MON1A: variants seen among roughly 807,000 people sequenced by gnomAD.
The protein encoded by MON1A is MON1 vesicular trafficking associated A.
A neutral mutation model predicts 44.6 loss-of-function variants in MON1A; 29 were observed. The ratio of observed to expected loss-of-function variants is 0.65; its 90% CI spans 0.48 to 0.89. The LOEUF (loss-of-function observed/expected upper bound fraction) is 0.89. MON1A is among the 40% of genes least tolerant of loss of function. The pLI is 0.00. For synonymous variants in MON1A, 275 were observed against 316.4 expected, an observed-to-expected ratio of 0.87 and a Z score of 1.39; for missense variants, 615 against 759.6, an observed-to-expected ratio of 0.81 and a Z score of 2.24.
In MON1A at chr3:49,910,072, A is replaced by C. The variant is rs1559491015; in HGVS notation, c.1379+47T>G. 3.9e-6 allele frequency: 6 copies of C among 1,527,330 alleles called. No homozygotes were observed. The highest frequency in any genetic ancestry group is 1.4e-5 in the African/African-American group (1 of 72,180). The allele number at this position is 1,527,330 out of a possible 1,614,324, so 94.6% of individuals were successfully genotyped here. Reference sequence around the variant, plus strand: ...CAGGACCAAACAGCCTCCCGACTCCACATGTCCCTGTCCCGCTACAGCAGT... The same window carrying C: ...CAGGACCAAACAGCCTCCCGACTCCCCATGTCCCTGTCCCGCTACAGCAGT... On this transcript the variant is annotated intron_variant, in intron 4 of 5. Transcript: ENST00000296473. The surrounding 1 kb of genome is among the most constrained non-coding windows in gnomAD (Gnocchi z 8.0).
intron 1 of MON1A, among the ~76,000 whole-genome samples, chr3:49,922,309 G>T (rs2083006040): frequency 6.6e-6 from 1 of 151,738 alleles, no homozygotes; most frequent in African/African-American, 2.4e-5. Context: ...AGCCAGGTGT[G>T]GTGGCATATG....
At position 49,911,663 on chromosome 3, in the gene MON1A, A is replaced by C; in HGVS notation, c.476T>G (p.Phe159Cys). 3 of 1,614,154 alleles carry C rather than the reference A, an allele frequency of 1.9e-6. No individual in the cohort carries two copies. Among genetic ancestry groups the C allele is most frequent in the Non-Finnish European group, 2.5e-6 (3 of 1,180,010 alleles). ...EAWRLHQKHVFVLSEAGKPVY... is the reference protein window; with the variant it reads ...EAWRLHQKHVCVLSEAGKPVY... The stretch of plus-strand genomic sequence containing the variant: ...AGGCTTCCCTGCCTCACTCAGCACA[A>C]AGACATGCTTCTGGTGCAGGCGCCA... Residue 159 changes from phenylalanine (F) to cysteine (C), a missense_variant, in exon 3 of 6, where the codon TTT becomes TGT. By Grantham distance (205) the Phe-to-Cys change is radical (BLOSUM62 -2). Transcript: ENST00000296473. The surrounding 1 kb of genome is among the most constrained non-coding windows in gnomAD (Gnocchi z 5.7).
intron 1 of MON1A, among the ~76,000 whole-genome samples, chr3:49,926,031 C>T (rs1036921803): frequency 2.6e-5 from 4 of 152,204 alleles, no homozygotes; most frequent in Non-Finnish European, 5.9e-5. Context: ...CCTCTGCTCA[C>T]AACTCTGTAA....
rs753603556 is a variant in MON1A, at chr3:49,911,990, A to G, written c.149T>C (p.Met50Thr). 1 of 1,598,224 alleles carries G rather than the reference A, an allele frequency of 6.3e-7. No homozygotes were observed. Among genetic ancestry groups the G allele is most frequent in the Admixed American group, 1.7e-5 (1 of 59,056 alleles). ...CTCGTAGGAACGGGCATGGACGAAC[A>G]TGGCACCCTCCTGGCCCGCACCTGC... ...MEPGAGQEGA[M>T]FVHARSYEDL... The change falls in exon 3 of 6, where the codon ATG becomes ACG. Residue 50 changes from methionine (M) to threonine (T), a missense_variant. Met to Thr is a moderately conservative substitution (Grantham distance 81, BLOSUM62 -1). Coordinates refer to ENST00000296473, the MANE Select transcript of MON1A (RefSeq NM_032355.4). This position sits in a 1 kb window ranked among gnomAD's most constrained non-coding sequence, Gnocchi z 5.7.
intron 1 of MON1A, among the ~76,000 whole-genome samples, chr3:49,928,511 G>A (rs967168375): frequency 6.6e-6 from 1 of 152,156 alleles, no homozygotes; most frequent in Non-Finnish European, 1.5e-5. Flanking sequence ...TGTGAGCAAT[G>A]TCACCAAACA....
chr3:49,929,245 A>G, intron 1 of MON1A: 1 of 346,236 alleles, frequency 2.9e-6, no homozygotes, highest in Non-Finnish European at 5.3e-6. Flanking sequence ...CAAAGACCCA[A>G]GCCCCTTCCA....
Position 49,909,114 on chromosome 3 carries a change from A to G in MON1A, c.1568T>C (p.Leu523Pro), listed in dbSNP as rs1229367939. The change falls in exon 6 of 6, where the codon CTG becomes CCG. Residue 523 changes from leucine to proline, a missense_variant. By Grantham distance (98) the Leu-to-Pro change is moderately conservative. Coordinates refer to ENST00000296473, the MANE Select transcript of MON1A (RefSeq NM_032355.4). The surrounding 1 kb of genome is among the most constrained non-coding windows in gnomAD (Gnocchi z 4.0). The part of the protein sequence containing the change: ...AFELYMCYSP[L>P]GTKASAVSAI... The stretch of plus-strand genomic sequence containing the variant: ...ACTGACGGCTGACGCCTTGGTCCCC[A>G]GGGGGCTGTAACACATGTAGAGCTC... The G allele has an allele frequency of 1.2e-6, 2 of 1,613,352 alleles. No homozygotes were observed. The highest frequency in any genetic ancestry group is 2.2e-5 in the East Asian group (1 of 44,842).
At chr3:49,913,392 T>G (rs1306233865) in intron 1 of MON1A, 33 bp from the exon 2 acceptor site, 1 of 1,588,048 alleles carries the variant, frequency 6.3e-7, no homozygotes, top group Non-Finnish European at 8.6e-7. Flanking sequence ...ATCGATGGCT[T>G]TTGGCAGGGT....
intron 1 of MON1A, chr3:49,916,130 A>G (rs980787140): frequency 6.6e-5 from 10 of 152,244 alleles, no homozygotes; most frequent in African/African-American, 2.4e-4. Context: ...CAGAACACAG[A>G]GTCTGGTGGG....
At chr3:49,924,090 A>G (rs2083028118) in intron 1 of MON1A, 2 of 151,584 alleles carry the variant, frequency 1.3e-5, no homozygotes, top group Admixed American at 1.3e-4. Flanking sequence ...TCATAGGAAA[A>G]AAAAAAAACA....
In MON1A at chr3:49,909,000, C is replaced by T. The variant is rs368521037; in HGVS notation, c.*14G>A. 1.8e-4 allele frequency: 295 copies of T among 1,606,374 alleles called. No individual in the cohort carries two copies. The African/African-American group carries it at 2.3e-3, about 13-fold the overall frequency. ...CTAGTGTGTCCAGGAAGGCTGAGCCCGCACACATTCCCATCAATAGGTGAG... is the reference window on the plus strand; with the variant it reads ...CTAGTGTGTCCAGGAAGGCTGAGCCTGCACACATTCCCATCAATAGGTGAG... On this transcript the variant is annotated 3_prime_UTR_variant, in exon 6 of 6. Transcript: ENST00000296473.
intron 1 of MON1A, among the ~76,000 whole-genome samples, chr3:49,922,397 C>T (rs1460349507): frequency 6.6e-6 from 1 of 151,782 alleles, no homozygotes; most frequent in Admixed American, 6.6e-5. Context: ...GATCGCACCA[C>T]CGCACTCCAG....
At position 49,911,599 on chromosome 3, in the gene MON1A, G is replaced by T; in HGVS notation, c.540C>A (p.Ser180Arg). 6.2e-7 allele frequency: 1 copy of T among 1,614,156 alleles called. No homozygotes were observed. The highest frequency in any genetic ancestry group is 1.3e-5 in the African/African-American group (1 of 75,046). ...SRYGSEEALS[S>R]TMGVMVALVS... The stretch of plus-strand genomic sequence containing the variant: ...CCAGGGCCACCATAACACCCATAGT[G>T]CTGGAAAGTGCCTCCTCAGACCCAT... The change falls in exon 3 of 6, where the codon AGC becomes AGA. Residue 180 changes from serine to arginine, a missense_variant. Ser to Arg is a moderately radical substitution (Grantham distance 110). Coordinates refer to ENST00000296473, the MANE Select transcript of MON1A (RefSeq NM_032355.4). This position sits in a 1 kb window ranked among gnomAD's most constrained non-coding sequence, Gnocchi z 5.7.
rs370999736 is a variant in MON1A at position 49,911,219 on chromosome 3, TA to T, written c.613+306del. 1.8e-4 allele frequency among the ~76,000 whole-genome samples: 28 copies of T among 151,564 alleles called. No individual in the cohort carries two copies. Among genetic ancestry groups the T allele is most frequent in the Admixed American group, 1.3e-3 (20 of 15,186 alleles). Reference sequence around the variant, plus strand: ...ATAGATAGATAGATAGATAGATAGATAGATAGATAGATAGATAGATAGATAG... The same window carrying T: ...ATAGATAGATAGATAGATAGATAGATGATAGATAGATAGATAGATAGATAG... On this transcript the variant is annotated intron_variant, in intron 3 of 5. Transcript: ENST00000296473. The surrounding 1 kb of genome is among the most constrained non-coding windows in gnomAD (Gnocchi z 5.7).
chr3:49,929,577 C>T, intron 1 of MON1A, 32 bp downstream of exon 1: 1 of 1,551,134 alleles, frequency 6.4e-7, no homozygotes, highest in Non-Finnish European at 8.7e-7. Flanking sequence ...CTCTAGGTGC[C>T]TCCAGGCCAC....
intron 1 of MON1A, among the ~76,000 whole-genome samples, chr3:49,914,704 C>A (rs2082928234): frequency 1.3e-5 from 2 of 152,148 alleles, no homozygotes; most frequent in Middle Eastern, 3.4e-3. Context: ...CCTGCCAGCA[C>A]ATCCAGCTAA....
In MON1A at chr3:49,912,025, G is replaced by C; in HGVS notation, c.128-14C>G. 1 of 1,555,680 alleles carries C rather than the reference G, an allele frequency of 6.4e-7. No homozygotes were observed. Among genetic ancestry groups the C allele is most frequent in the South Asian group, 1.2e-5 (1 of 81,606 alleles). On this transcript the variant is annotated splice_polypyrimidine_tract_variant and intron_variant, in intron 2 of 5. Transcript: ENST00000296473. ...CCTGGCCCGCACCTGCAGGCCAAAAGCACTGGTGCTTAGAGGGGTAGCTAG... is the reference window on the plus strand; with the variant it reads ...CCTGGCCCGCACCTGCAGGCCAAAACCACTGGTGCTTAGAGGGGTAGCTAG...
chr3:49,920,245 CTT>C lies in MON1A; in HGVS notation c.-13-6888_-13-6887del, dbSNP rs769128373. On this transcript the variant is annotated intron_variant, in intron 1 of 5. Transcript: ENST00000296473. Reference sequence around the variant, plus strand: ...CCTCTCTCTTGAAACATTTTCTCCTCTTTTATGGCATACCACTCCTTTCTTGG... The same window carrying C: ...CCTCTCTCTTGAAACATTTTCTCCTCTTATGGCATACCACTCCTTTCTTGG... 3.3e-5 allele frequency among the ~76,000 whole-genome samples: 5 copies of C among 152,282 alleles called. No individual in the cohort carries two copies. The South Asian group carries it at 6.2e-4, about 19-fold the overall frequency.
Position 49,911,847 on chromosome 3 carries a change from T to C in MON1A, c.292A>G (p.Ser98Gly). 1 of 1,614,106 alleles carries C rather than the reference T, an allele frequency of 6.2e-7. No individual in the cohort carries two copies. The highest frequency in any genetic ancestry group is 8.5e-7 in the Non-Finnish European group (1 of 1,180,008). ...CGGGCCACACCCGTCAGCTGGGTGC[T>C]TAGCTCGCTAAAGTCCTGGCTGATC... ...RQISQDFSEL[S>G]TQLTGVARDL... The change falls in exon 3 of 6, where the codon AGC becomes GGC. Residue 98 changes from serine to glycine, a missense_variant. Coordinates refer to ENST00000296473, the MANE Select transcript of MON1A (RefSeq NM_032355.4). This position sits in a 1 kb window ranked among gnomAD's most constrained non-coding sequence, Gnocchi z 5.7.
Sources: gnomAD v4.1 joint callset for allele counts (sites outside exome capture counted in the v4.1 genomes callset) on GRCh38, gnomAD v4.1.1 for gene constraint, Gnocchi (gnomAD v3.1) non-coding constraint, MANE v1.5 for transcripts, NCBI Gene and HGNC (gene_info 2026-07-23, HGNC 2026-07-21) for gene names.